Variants in USH1C observed in about 807,000 individuals in gnomAD.
USH1C encodes USH1 protein network component harmonin, also known as harmonin.
A neutral mutation model predicts 119.3 loss-of-function variants in USH1C; 90 were observed. That is an observed-to-expected ratio of 0.75 (90% CI 0.64 to 0.90). The LOEUF (loss-of-function observed/expected upper bound fraction) is 0.90. Among genes scored for constraint, USH1C ranks in the 40% least tolerant of loss-of-function variants. USH1C has a pLI of 0.00. For missense variants in USH1C, 1,165 were observed against 1,167.7 expected (o/e 1.00, Z 0.03); for synonymous variants, 465 against 443.3 (o/e 1.05, Z -0.62).
At chr11:17,543,907 A>T (rs1346839262) in intron 1 of USH1C, among the ~76,000 whole-genome samples, 1 of 152,234 alleles carries the variant, frequency 6.6e-6, no homozygotes, top group African/African-American at 2.4e-5. Context: ...ACATGCCTCA[A>T]CAGCCCTGAG....
chr11:17,527,965 G>A (rs1346726446), intron 4 of USH1C, among the ~76,000 whole-genome samples: 2 of 152,136 alleles, frequency 1.3e-5, no homozygotes, highest in African/African-American at 2.4e-5. Context: ...AACAGTGAAC[G>A]AGCACAGGGC....
chr11:17,521,695 G>C (rs540757459), intron 12 of USH1C, among the ~76,000 whole-genome samples: 1 of 152,328 alleles, frequency 6.6e-6, no homozygotes, highest in East Asian at 1.9e-4. Flanking sequence ...CAAACACTTA[G>C]GTAAGGTGAC....
Position 17,501,966 on chromosome 11 carries a change from A to G in USH1C, c.2199T>C (p.Tyr733=), listed in dbSNP as rs772773409. The G allele has an allele frequency of 6.2e-6, 10 of 1,613,668 alleles. No homozygotes were observed. Among genetic ancestry groups the G allele is most frequent in the Admixed American group, 5.0e-5 (3 of 59,954 alleles). ...TAGAGTAGGGGTCAAAGCCTTCCTC[A>G]TATTTCCGGAAATCCTGGAAGCAAA... The part of the protein sequence containing the change: ...QTAFRQDFRK[Y]EEGFDPYSMF... The change falls in exon 21 of 27, where the codon TAT becomes TAC. Residue 733 remains tyrosine (Y), a synonymous_variant. Transcript: ENST00000005226.
rs74513242 is a variant in USH1C, at chr11:17,536,698, G to T, written c.37-3376C>A. 5.0e-3 allele frequency among the ~76,000 whole-genome samples: 763 copies of T among 152,292 alleles called. 11 individuals are homozygous for T. Among genetic ancestry groups the T allele is most frequent in the African/African-American group, 0.018 (732 of 41,564 alleles). ...CCTGTCCTCAGTTCTGCCATTGCTC[G>T]CTTCACCACATCCCAAGTGGGACTC... On this transcript the variant is annotated intron_variant, in intron 1 of 26. Transcript: ENST00000005226.
chr11:17,501,452 C>T (rs758893475), intron 22 of USH1C, 30 bp downstream of exon 22: 30 of 1,605,798 alleles, frequency 1.9e-5, no homozygotes, highest in Admixed American at 3.4e-5. Flanking sequence ...AGAGGGATGG[C>T]GGCCCACCGG....
At chr11:17,538,103 C>T (rs1222557983) in intron 1 of USH1C, among the ~76,000 whole-genome samples, 1 of 152,196 alleles carries the variant, frequency 6.6e-6, no homozygotes, top group Non-Finnish European at 1.5e-5. Flanking sequence ...TTTCTTGGAT[C>T]CCTCTTGATA....
At chr11:17,524,012 G>C (rs1407054330) in intron 9 of USH1C, among the ~76,000 whole-genome samples, 1 of 152,192 alleles carries the variant, frequency 6.6e-6, no homozygotes, top group Non-Finnish European at 1.5e-5. Flanking sequence ...CCTGCTTTGG[G>C]ATTGGACCAC....
intron 7 of USH1C, 51 bp downstream of exon 7, chr11:17,526,702 T>A: frequency 1.3e-6 from 2 of 1,586,152 alleles, no homozygotes; most frequent in Non-Finnish European, 1.7e-6. Context: ...CGGCCACCCC[T>A]CCTTGAAGAT....
chr11:17,532,926 G>A lies in USH1C; in HGVS notation c.104+329C>T, dbSNP rs543443310. Among the ~76,000 whole-genome samples, 8 of 152,254 alleles carry A rather than the reference G, an allele frequency of 5.3e-5. No individual in the cohort carries two copies. In the South Asian group the frequency reaches 1.7e-3, roughly 32 times the overall value. ...GGAGACATCTGATGCAAGGGCTGTG[G>A]CCAGCTGGCATTTCTTGTTCTGTCC... On this transcript the variant is annotated intron_variant, in intron 2 of 26. Transcript: ENST00000005226.
At chr11:17,538,522 T>C (rs1375610011) in intron 1 of USH1C, among the ~76,000 whole-genome samples, 4 of 152,128 alleles carry the variant, frequency 2.6e-5, no homozygotes, top group Admixed American at 1.3e-4. Context: ...AAATAATGCA[T>C]GTTGTTCTGC....
chr11:17,544,220 C>A, intron 1 of USH1C, 52 bp downstream of exon 1: 1 of 1,612,448 alleles, frequency 6.2e-7, no homozygotes, highest in Non-Finnish European at 8.5e-7. Context: ...CCCTACCCAC[C>A]GCGCCCAGGA....
At chr11:17,524,237 C>T (rs1185705201) in intron 9 of USH1C, among the ~76,000 whole-genome samples, 2 of 152,180 alleles carry the variant, frequency 1.3e-5, no homozygotes, top group Admixed American at 6.5e-5. Flanking sequence ...TTCCCAAGCT[C>T]GTGACCAACA....
intron 1 of USH1C, among the ~76,000 whole-genome samples, chr11:17,541,759 G>A (rs1268277297): frequency 6.6e-6 from 1 of 152,236 alleles, no homozygotes; most frequent in African/African-American, 2.4e-5. Context: ...CCTGGAGCCT[G>A]TTGGCTCCCA....
In USH1C at chr11:17,509,639, G is replaced by A. The variant is rs758196888; in HGVS notation, c.1730C>T (p.Pro577Leu). 2.8e-5 allele frequency: 45 copies of A among 1,592,206 alleles called. No individual in the cohort carries two copies. Among genetic ancestry groups the A allele is most frequent in the Middle Eastern group, 3.3e-4 (2 of 6,016 alleles). The change falls in exon 18 of 27, where the codon CCG becomes CTG. Residue 577 changes from proline (P) to leucine (L), a missense_variant. Transcript: ENST00000005226. ...AGATAAGGGAAGGACAGGGGGCGCC[G>A]GGACCTTGTGGGGTGGGTTGGAGGG... ...PPPSNPPHKV[P>L]APPVLPLSGH...
At chr11:17,516,541 C>T in intron 14 of USH1C, 1 of 530,030 alleles carries the variant, frequency 1.9e-6, no homozygotes, top group Non-Finnish European at 3.4e-6. Context: ...AAATGCCTCT[C>T]CCCAGAACAC....
At chr11:17,505,688 G>C in intron 19 of USH1C, 142 bp downstream of exon 19, 4 of 1,266,322 alleles carry the variant, frequency 3.2e-6, no homozygotes, top group Non-Finnish European at 4.4e-6. Context: ...TCATCTCTTG[G>C]CCAATAAGAA....
chr11:17,502,454 G>C (rs1171641170), intron 20 of USH1C, among the ~76,000 whole-genome samples: 1 of 152,340 alleles, frequency 6.6e-6, no homozygotes, highest in East Asian at 1.9e-4. Context: ...AGAGAAGGCT[G>C]TTCCTGGAAA....
rs1486836147 is a variant in USH1C at position 17,526,440 on chromosome 11, C to T, written c.581G>A (p.Gly194Asp). ...AGGGGAGCCCAGGCTGCCTCGCACGCCCTGAAAGAGAGATAGAAGCAGAAT... is the reference window on the plus strand; with the variant it reads ...AGGGGAGCCCAGGCTGCCTCGCACGTCCTGAAAGAGAGATAGAAGCAGAAT... ...YVDQFVSESGGVRGSLGSPGN... is the reference protein window; with the variant it reads ...YVDQFVSESGDVRGSLGSPGN... Residue 194 changes from glycine to aspartate, a missense_variant and splice_region_variant, in exon 8 of 27, where the codon GGC becomes GAC. By Grantham distance (94) the Gly-to-Asp change is moderately conservative. Transcript: ENST00000005226. 1 of 1,613,834 alleles carries T rather than the reference C, an allele frequency of 6.2e-7. No homozygotes were observed.
chr11:17,544,197 C>T, intron 1 of USH1C, 75 bp downstream of exon 1: 2 of 1,583,732 alleles, frequency 1.3e-6, no homozygotes, highest in Non-Finnish European at 1.7e-6. Context: ...GGGGCAGTGC[C>T]GGGGTGTCCA....
Sources: allele counts gnomAD v4.1 joint callset (sites outside exome capture counted in the v4.1 genomes callset), GRCh38; gene constraint gnomAD v4.1.1; transcripts MANE v1.5; gene names NCBI Gene and HGNC (gene_info 2026-07-23, HGNC 2026-07-21).